GYS2: variants seen among roughly 807,000 people sequenced by gnomAD.
The protein encoded by GYS2 is glycogen synthase 2.
In GYS2, 80 loss-of-function variants were observed where a neutral mutation model predicts 85.6. The observed-to-expected ratio is 0.93, with a 90% confidence interval of 0.78 to 1.13. The LOEUF (loss-of-function observed/expected upper bound fraction) is 1.13. Ranked by LOEUF, GYS2 falls within the 50% of genes most tolerant of loss-of-function variation. GYS2 has a pLI of 0.00. For synonymous variants in GYS2, 328 were observed against 300.7 expected, an observed-to-expected ratio of 1.09 and a Z score of -0.94; for missense variants, 881 against 854.9, an observed-to-expected ratio of 1.03 and a Z score of -0.38.
chr12:21,539,381 G>T (rs748713031), intron 14 of GYS2, 43 bp from the exon 15 acceptor site: 2 of 1,026,684 alleles, frequency 1.9e-6, no homozygotes, highest in Non-Finnish European at 3.1e-6. Flanking sequence ...AAAACCCTTA[G>T]ATATCTCAAT....
At chr12:21,541,292 C>CAAAAAAA (rs1230079238) in intron 13 of GYS2, among the ~76,000 whole-genome samples, 1 of 106,258 alleles carries the variant, frequency 9.4e-6, no homozygotes, top group Admixed American at 1.2e-4. Flanking sequence ...AAAAAAAAAA[C>CAAAAAAA]AAAAAACCCA....
intron 4 of GYS2, among the ~76,000 whole-genome samples, chr12:21,570,879 A>C (rs1048734187): frequency 1.3e-5 from 2 of 152,254 alleles, no homozygotes; most frequent in Non-Finnish European, 2.9e-5. Context: ...ATAACTCTGG[A>C]AAGAAGTAAA....
intron 1 of GYS2, among the ~76,000 whole-genome samples, chr12:21,586,630 C>T (rs561140570): frequency 8.5e-5 from 13 of 152,230 alleles, no homozygotes; most frequent in African/African-American, 2.9e-4. Context: ...ATGATACCTC[C>T]TTATGCCAGT....
chr12:21,544,927 T>A (rs1380648602), intron 12 of GYS2, among the ~76,000 whole-genome samples: 2 of 133,314 alleles, frequency 1.5e-5, no homozygotes, highest in Non-Finnish European at 3.4e-5. Flanking sequence ...TAATACAGGA[T>A]CCTATTTTTG....
intron 13 of GYS2, 24 bp from the exon 14 acceptor site, chr12:21,540,597 A>G (rs772749378): frequency 3.1e-6 from 5 of 1,608,092 alleles, no homozygotes; most frequent in Non-Finnish European, 4.3e-6. Context: ...AAGCCAAAGC[A>G]CAAGTAAAAG....
At chr12:21,562,196 C>A (rs1277023370) in intron 7 of GYS2, among the ~76,000 whole-genome samples, 1 of 152,112 alleles carries the variant, frequency 6.6e-6, no homozygotes, top group Non-Finnish European at 1.5e-5. Context: ...GGAGTAAGAA[C>A]CTTCTTTTTC....
At chr12:21,578,762 G>T (rs1283663716) in intron 2 of GYS2, among the ~76,000 whole-genome samples, 4 of 151,786 alleles carry the variant, frequency 2.6e-5, no homozygotes, top group African/African-American at 9.7e-5. Context: ...TATTGCTTTG[G>T]ATCTTGTCCC....
chr12:21,575,850 A>G lies in GYS2; in HGVS notation c.495+16T>C, dbSNP rs755902903. 5 of 1,586,196 alleles carry G rather than the reference A, an allele frequency of 3.2e-6. No individual in the cohort carries two copies. Among genetic ancestry groups the G allele is most frequent in the East Asian group, 2.2e-5 (1 of 44,738 alleles). ...TGTGCTGCTCCTCCGTTGTATCACT[A>G]TATAATAAACCATACCTCTTTTAAG... is the stretch of plus-strand genomic sequence containing the variant. On this transcript the variant is annotated intron_variant, in intron 3 of 15. Coordinates refer to ENST00000261195, the MANE Select transcript of GYS2 (RefSeq NM_021957.4).
intron 11 of GYS2, 73 bp downstream of exon 11, chr12:21,558,127 G>A (rs1248729428): frequency 4.3e-6 from 4 of 927,726 alleles, no homozygotes; most frequent in South Asian, 4.2e-5. Flanking sequence ...AAACAACTAA[G>A]GAAAGCTAAT....
chr12:21,552,879 C>A (rs1291240893), intron 11 of GYS2, among the ~76,000 whole-genome samples: 1 of 152,054 alleles, frequency 6.6e-6, no homozygotes, highest in Non-Finnish European at 1.5e-5. Context: ...AACGTCTTAC[C>A]AAATCCTGCA....
intron 4 of GYS2, among the ~76,000 whole-genome samples, chr12:21,570,193 A>G (rs934731232): frequency 2.0e-5 from 3 of 152,210 alleles, no homozygotes; most frequent in African/African-American, 7.2e-5. Flanking sequence ...AAATGTTTGA[A>G]TCAGGTTGTA....
intron 5 of GYS2, 145 bp downstream of exon 5, chr12:21,568,720 A>G: frequency 6.7e-6 from 5 of 750,868 alleles, no homozygotes; most frequent in Non-Finnish European, 1.2e-5. Context: ...ACCTACTGAA[A>G]TTGAGAATTA....
At position 21,559,247 on chromosome 12, in the gene GYS2, A is replaced by G. The variant is rs1944221985; in HGVS notation, c.1230-78T>C. ...GTGATTCCTAAGCATCAGATTATAT[A>G]TTATATATTTCATGTATTTTAATAA... On this transcript the variant is annotated intron_variant, in intron 9 of 15. Coordinates refer to ENST00000261195, the MANE Select transcript of GYS2 (RefSeq NM_021957.4). The G allele has an allele frequency of 8.6e-6, 6 of 693,904 alleles. No homozygotes were observed. In the South Asian group the frequency reaches 9.3e-5, roughly 11 times the overall value. 43.0% of individuals were successfully genotyped at this position (693,904 alleles called of 1,614,324 possible).
At chr12:21,574,388 T>C in intron 3 of GYS2, 62 bp from the exon 4 acceptor site, 3 of 1,240,090 alleles carry the variant, frequency 2.4e-6, no homozygotes, top group Non-Finnish European at 3.6e-6. Context: ...GTGCTCATGG[T>C]CCACATCATA....
chr12:21,604,245 T>G (rs1490556819), intron 1 of GYS2, among the ~76,000 whole-genome samples: 2 of 152,164 alleles, frequency 1.3e-5, no homozygotes, highest in Non-Finnish European at 2.9e-5. Flanking sequence ...TCCATGGCAA[T>G]GGCTAATATT....
At chr12:21,533,605 C>T (rs1012185044), downstream of GYS2, among the ~76,000 whole-genome samples, 6 of 152,116 alleles carry the variant, frequency 3.9e-5, no homozygotes, top group Non-Finnish European at 8.8e-5. Flanking sequence ...GAAGACTCTT[C>T]GGACCTCCCT....
chr12:21,557,295 T>C (rs1477710034), intron 11 of GYS2, among the ~76,000 whole-genome samples: 1 of 152,180 alleles, frequency 6.6e-6, no homozygotes, highest in East Asian at 1.9e-4. Context: ...AAACCATGCC[T>C]GGAATACAGC....
chr12:21,539,806 A>G (rs1462225562), intron 14 of GYS2, among the ~76,000 whole-genome samples: 1 of 152,230 alleles, frequency 6.6e-6, no homozygotes, highest in Non-Finnish European at 1.5e-5. Context: ...GAGCACTGGC[A>G]TTTGTGTGTG....
In GYS2 at chr12:21,546,416, A is replaced by T. The variant is rs539369206; in HGVS notation, c.1477T>A (p.Tyr493Asn). 9.3e-5 allele frequency: 148 copies of T among 1,597,738 alleles called. 1 individual carries two copies. The South Asian group carries it at 1.6e-3, about 17-fold the overall frequency. ...TGACAACCTCTAACAAACTCTTCAT[A>T]GTCCATGGGTAGTAAGGGACTGGTG... is the stretch of plus-strand genomic sequence containing the variant. Reference protein sequence around the residue: ...SSTSPLLPMDYEEFVRGCHLG... With the variant: ...SSTSPLLPMDNEEFVRGCHLG... The change falls in exon 12 of 16, where the codon TAT becomes AAT. Residue 493 changes from tyrosine (Y) to asparagine (N), a missense_variant. Transcript: ENST00000261195.
Sources: allele counts gnomAD v4.1 joint callset (sites outside exome capture counted in the v4.1 genomes callset), GRCh38; gene constraint gnomAD v4.1.1; transcripts MANE v1.5; gene names NCBI Gene and HGNC (gene_info 2026-07-23, HGNC 2026-07-21).